The following HS3ST4 variants were observed in gnomAD, a reference collection of about 807,000 sequenced individuals.
The protein encoded by HS3ST4 is heparan sulfate glucosamine 3-O-sulfotransferase 4.
Under a neutral mutation model 29.2 loss-of-function variants are expected in HS3ST4, and 17 were observed. The ratio of observed to expected loss-of-function variants is 0.58; its 90% CI spans 0.40 to 0.87. The LOEUF (loss-of-function observed/expected upper bound fraction) is 0.87. HS3ST4 is among the 40% of genes least tolerant of loss of function. The pLI, the probability that HS3ST4 is intolerant of heterozygous loss-of-function variation, is 0.00. For synonymous variants in HS3ST4, 314 were observed against 285.7 expected, an observed-to-expected ratio of 1.10 and a Z score of -1.00; for missense variants, 627 against 634.5, an observed-to-expected ratio of 0.99 and a Z score of 0.13.
chr16:25,717,510 GGTGTGTGTGTGTGTGTGT>G lies in HS3ST4; in HGVS notation c.734+24386_734+24403del, dbSNP rs763190199. ...CTGAAGGATGAGTAGAAGGTGAAGGGGTGTGTGTGTGTGTGTGTGTGTGTGTGTGTGTGTGTGTGTGTG... is the reference window on the plus strand; with the variant it reads ...CTGAAGGATGAGTAGAAGGTGAAGGGGTGTGTGTGTGTGTGTGTGTGTGTG... On this transcript the variant is annotated intron_variant, in intron 1 of 1. Coordinates refer to ENST00000331351, the MANE Select transcript of HS3ST4 (RefSeq NM_006040.3). Among the ~76,000 whole-genome samples, 949 of 132,900 alleles carry G rather than the reference GGTGTGTGTGTGTGTGTGT, an allele frequency of 7.1e-3. 5 individuals carry two copies. Among genetic ancestry groups the G allele is most frequent in the African/African-American group, 0.016 (547 of 35,084 alleles). The allele number at this position is 132,900 out of a possible 152,430, so 87.2% of individuals were successfully genotyped here. A position where few individuals can be genotyped will look rare whatever the true frequency, so the allele number is the denominator to read the frequency against.
chr16:25,749,074 A>G (rs756991651), intron 1 of HS3ST4, among the ~76,000 whole-genome samples: 2 of 152,232 alleles, frequency 1.3e-5, no homozygotes, highest in Admixed American at 6.5e-5. Context: ...GTGTCTATTA[A>G]TTATCAGACT....
intron 1 of HS3ST4, chr16:25,886,833 G>A: frequency 6.6e-6 from 1 of 152,348 alleles, no homozygotes; most frequent in Non-Finnish European, 1.5e-5. Flanking sequence ...TGACCCTGGA[G>A]AACCCCGCAG....
At chr16:25,907,780 A>G (rs1355528974) in intron 1 of HS3ST4, among the ~76,000 whole-genome samples, 2 of 152,246 alleles carry the variant, frequency 1.3e-5, no homozygotes, top group Non-Finnish European at 2.9e-5. Context: ...CAAATCCAAC[A>G]GGCTTCATTG....
intron 1 of HS3ST4, among the ~76,000 whole-genome samples, chr16:25,749,692 T>C (rs942328162): frequency 9.8e-5 from 15 of 152,346 alleles, no homozygotes; most frequent in African/African-American, 3.1e-4. Context: ...AATAGCTTTC[T>C]ACCTCATGAG....
At chr16:26,123,053 CAA>C (rs111948307) in intron 1 of HS3ST4, among the ~76,000 whole-genome samples, 240 of 122,428 alleles carry the variant, frequency 2.0e-3, no homozygotes, top group African/African-American at 6.5e-3. Flanking sequence ...GACTCTGTCT[CAA>C]AAAAAAAAAA....
chr16:26,107,913 G>C (rs1400432618), intron 1 of HS3ST4, among the ~76,000 whole-genome samples: 1 of 152,214 alleles, frequency 6.6e-6, no homozygotes, highest in African/African-American at 2.4e-5. Flanking sequence ...GTAGAGAGTA[G>C]TGGGATTGCT....
At chr16:25,941,264 C>T (rs890758244) in intron 1 of HS3ST4, among the ~76,000 whole-genome samples, 1 of 152,104 alleles carries the variant, frequency 6.6e-6, no homozygotes, top group African/African-American at 2.4e-5. Context: ...CTCCCAGGTT[C>T]AAGCATTTAT....
intron 1 of HS3ST4, among the ~76,000 whole-genome samples, chr16:25,891,123 A>G (rs1234438326): frequency 2.0e-5 from 3 of 152,198 alleles, no homozygotes; most frequent in Non-Finnish European, 4.4e-5. Flanking sequence ...AGAAAGCCCA[A>G]TAAGAAGTGA....
At chr16:25,921,902 G>T (rs997984243) in intron 1 of HS3ST4, among the ~76,000 whole-genome samples, 1 of 151,950 alleles carries the variant, frequency 6.6e-6, no homozygotes, top group African/African-American at 2.4e-5. Flanking sequence ...CTACAGGCAT[G>T]TGCTGCCATG....
chr16:26,103,162 C>G lies in HS3ST4; in HGVS notation c.735-32450C>G, dbSNP rs1421055844. 2.6e-5 allele frequency among the ~76,000 whole-genome samples: 4 copies of G among 152,208 alleles called. No homozygotes were observed. In the East Asian group the frequency reaches 5.8e-4, roughly 22 times the overall value. On this transcript the variant is annotated intron_variant, in intron 1 of 1. Transcript: ENST00000331351. ...GAAAGTGGGCTTGAAGAGCAGCTAG[C>G]CTAATTTTCCAACCAGAGTTGGATG...
intron 1 of HS3ST4, among the ~76,000 whole-genome samples, chr16:25,983,754 A>G (rs905416157): frequency 3.3e-5 from 5 of 152,184 alleles, no homozygotes; most frequent in Admixed American, 3.3e-4. Context: ...TGAAATGTAC[A>G]TCATTCACCA....
At chr16:25,893,753 C>T (rs1393260221) in intron 1 of HS3ST4, among the ~76,000 whole-genome samples, 1 of 152,184 alleles carries the variant, frequency 6.6e-6, no homozygotes, top group Non-Finnish European at 1.5e-5. Context: ...TTGTGGGGTC[C>T]ACTTAACAAA....
In HS3ST4 at chr16:25,692,471, C is replaced by G; in HGVS notation, c.54C>G (p.Ala18=). ...PPPPPPPPPL[A]APPPPGASAK... The stretch of plus-strand genomic sequence containing the variant: ...CTCCGCCTCCGCCTCCACCTCTGGC[C>G]GCGCCGCCGCCGCCCGGCGCCTCTG... The change falls in exon 1 of 2, where the codon GCC becomes GCG. Residue 18 remains alanine (A), a synonymous_variant. Coordinates refer to ENST00000331351, the MANE Select transcript of HS3ST4 (RefSeq NM_006040.3). 2 of 1,364,844 alleles carry G rather than the reference C, an allele frequency of 1.5e-6. No homozygotes were observed. The highest frequency in any genetic ancestry group is 9.6e-7 in the Non-Finnish European group (1 of 1,045,292). 84.5% of individuals were successfully genotyped at this position (1,364,844 alleles called of 1,614,324 possible). A position where few individuals can be genotyped will look rare whatever the true frequency, so the allele number is the denominator to read the frequency against.
chr16:25,702,854 CTAG>C (rs1966343467), intron 1 of HS3ST4, among the ~76,000 whole-genome samples: 1 of 152,142 alleles, frequency 6.6e-6, no homozygotes, highest in East Asian at 1.9e-4. Context: ...AAGAGTTGAG[CTAG>C]CGGCTCAACT....
rs181870244 is a variant in HS3ST4 at position 25,792,839 on chromosome 16, T to A, written c.734+99688T>A. 3.3e-5 allele frequency among the ~76,000 whole-genome samples: 5 copies of A among 151,982 alleles called. No individual in the cohort carries two copies. In the East Asian group the frequency reaches 9.6e-4, roughly 29 times the overall value. On this transcript the variant is annotated intron_variant, in intron 1 of 1. Transcript: ENST00000331351. ...CATATTATTTCTCTTCTTCTACTTT[T>A]TAGTGTATTTAGCTGTTTTCCAAAT... is the stretch of plus-strand genomic sequence containing the variant.
intron 1 of HS3ST4, among the ~76,000 whole-genome samples, chr16:25,929,543 G>A (rs955730187): frequency 6.6e-6 from 1 of 152,186 alleles, no homozygotes; most frequent in South Asian, 2.1e-4. Flanking sequence ...AGGAAGACAA[G>A]CAAGAGTGCT....
chr16:26,101,356 C>T (rs1898987947), intron 1 of HS3ST4, among the ~76,000 whole-genome samples: 2 of 152,196 alleles, frequency 1.3e-5, no homozygotes, highest in Non-Finnish European at 2.9e-5. Context: ...TGTCTACTCC[C>T]TTGCTAAAGG....
chr16:25,958,476 G>A (rs559565082), intron 1 of HS3ST4, among the ~76,000 whole-genome samples: 16 of 152,026 alleles, frequency 1.1e-4, no homozygotes, highest in Non-Finnish European at 1.8e-4. Flanking sequence ...GACTACAGGC[G>A]TGCACCACCA....
At chr16:25,807,795 G>GTATTGGATCCAGGTCTC (rs1268702554) in intron 1 of HS3ST4, among the ~76,000 whole-genome samples, 3 of 152,170 alleles carry the variant, frequency 2.0e-5, no homozygotes, top group Non-Finnish European at 4.4e-5. Context: ...GTTCTCTGCA[G>GTATTGGATCCAGGTCTC]TCTTGCCAGT....
Sources: gnomAD v4.1 joint callset for allele counts (sites outside exome capture counted in the v4.1 genomes callset) on GRCh38, gnomAD v4.1.1 for gene constraint, MANE v1.5 for transcripts, NCBI Gene and HGNC (gene_info 2026-07-23, HGNC 2026-07-21) for gene names.